Variants in PRKCA observed in about 807,000 individuals in gnomAD.
The protein encoded by PRKCA is protein kinase C alpha.
PRKCA carries 27 observed loss-of-function variants against 87.0 expected under a neutral mutation model. That is an observed-to-expected ratio of 0.31 (90% CI 0.23 to 0.43). The LOEUF (loss-of-function observed/expected upper bound fraction) is 0.43, where lower values mean the gene tolerates loss of function less well. Among genes scored for constraint, PRKCA ranks in the 20% least tolerant of loss-of-function variants. The pLI is 1.00. For synonymous variants in PRKCA, 329 were observed against 311.1 expected (o/e 1.06, Z -0.61); for missense variants, 518 against 852.3 (o/e 0.61, Z 4.88).
rs566509072 is a variant in PRKCA at position 66,606,992 on chromosome 17, G to A, written c.289-34363G>A. On this transcript the variant is annotated intron_variant, in intron 3 of 16. Coordinates refer to ENST00000413366, the MANE Select transcript of PRKCA (RefSeq NM_002737.3). Reference sequence around the variant, plus strand: ...AAGGAAATAATTAAAATGACCCAGCGATGGAGTTGTGGTGGAGTTCTGGGA... The same window carrying A: ...AAGGAAATAATTAAAATGACCCAGCAATGGAGTTGTGGTGGAGTTCTGGGA... 3.3e-3 allele frequency among the ~76,000 whole-genome samples: 498 copies of A among 152,284 alleles called. 1 individual carries two copies. The highest frequency in any genetic ancestry group is 0.011 in the African/African-American group (473 of 41,572).
chr17:66,439,422 T>C (rs529373642), intron 2 of PRKCA, among the ~76,000 whole-genome samples: 2 of 152,148 alleles, frequency 1.3e-5, no homozygotes, highest in Non-Finnish European at 2.9e-5. Context: ...CCTTGTGATC[T>C]GCCTGCCTTG....
intron 3 of PRKCA, among the ~76,000 whole-genome samples, chr17:66,550,471 T>C (rs1968291320): frequency 1.3e-5 from 2 of 152,092 alleles, no homozygotes; most frequent in Admixed American, 1.3e-4. Context: ...GCCAACATAG[T>C]GAAACCATGT....
intron 2 of PRKCA, among the ~76,000 whole-genome samples, chr17:66,372,628 T>C (rs978294881): frequency 6.6e-6 from 1 of 152,246 alleles, no homozygotes; most frequent in Non-Finnish European, 1.5e-5. Context: ...CACATAACTA[T>C]GTAAGTATAT....
At chr17:66,572,830 T>A (rs1372674562) in intron 3 of PRKCA, among the ~76,000 whole-genome samples, 1 of 152,162 alleles carries the variant, frequency 6.6e-6, no homozygotes, top group Non-Finnish European at 1.5e-5. Context: ...ATGTTATATA[T>A]TTTTAAAACT....
intron 13 of PRKCA, among the ~76,000 whole-genome samples, chr17:66,769,060 T>C (rs187087661): frequency 2.0e-5 from 3 of 152,330 alleles, no homozygotes; most frequent in Admixed American, 2.0e-4. Context: ...AAATCAGCTC[T>C]TGATCTTTTA....
Position 66,406,585 on chromosome 17 carries a change from G to GTTTTTTTTTTTTTTTTTTTTTTTTTTT in PRKCA, c.206-89592_206-89591insTTTTTTTTTTTTTTTTTTTTTTTTTTT, listed in dbSNP as rs71160568. Among the ~76,000 whole-genome samples the GTTTTTTTTTTTTTTTTTTTTTTTTTTT allele has an allele frequency of 2.3e-4, 16 of 70,184 alleles. 3 individuals are homozygous for GTTTTTTTTTTTTTTTTTTTTTTTTTTT. The highest frequency in any genetic ancestry group is 2.7e-4 in the Non-Finnish European group (10 of 36,598). 46.0% of individuals were successfully genotyped at this position (70,184 alleles called of 152,430 possible). A position where few individuals can be genotyped will look rare whatever the true frequency, so the allele number is the denominator to read the frequency against. ...TCATGTAGCATTGTAGCTTTTCCAG[G>GTTTTTTTTTTTTTTTTTTTTTTTTTTT]TTTTTTTTTTTTTTTTTTTTTTTTA... On this transcript the variant is annotated intron_variant, in intron 2 of 16. Transcript: ENST00000413366.
At chr17:66,386,998 G>A (rs1663991347) in intron 2 of PRKCA, among the ~76,000 whole-genome samples, 1 of 152,150 alleles carries the variant, frequency 6.6e-6, no homozygotes, top group African/African-American at 2.4e-5. Context: ...TTGTGTTTGA[G>A]TTTCTCTCTT....
chr17:66,447,936 AC>A (rs1914118882), intron 2 of PRKCA, among the ~76,000 whole-genome samples: 1 of 151,796 alleles, frequency 6.6e-6, no homozygotes, highest in Admixed American at 6.6e-5. Flanking sequence ...TCGTGTGTGG[AC>A]CCTTTTTGTC....
intron 3 of PRKCA, among the ~76,000 whole-genome samples, chr17:66,522,601 T>A (rs1229101344): frequency 6.6e-6 from 1 of 152,066 alleles, no homozygotes; most frequent in African/African-American, 2.4e-5. Flanking sequence ...TACTGGGGGT[T>A]CATGCTGAAC....
At chr17:66,586,639 T>C (rs1044587395) in intron 3 of PRKCA, among the ~76,000 whole-genome samples, 2 of 152,202 alleles carry the variant, frequency 1.3e-5, no homozygotes, top group African/African-American at 4.8e-5. Context: ...TTATTGATGC[T>C]CAGTAACAGA....
intron 8 of PRKCA, among the ~76,000 whole-genome samples, chr17:66,718,014 C>A (rs978831670): frequency 6.6e-6 from 1 of 152,152 alleles, no homozygotes; most frequent in Non-Finnish European, 1.5e-5. Context: ...AGAAAAATGC[C>A]GTCAGAAGGA....
At chr17:66,690,915 A>C (rs1972766218) in intron 8 of PRKCA, among the ~76,000 whole-genome samples, 1 of 151,674 alleles carries the variant, frequency 6.6e-6, no homozygotes, top group Non-Finnish European at 1.5e-5. Flanking sequence ...AGGCCAAGGC[A>C]GGCAGGTTGC....
intron 2 of PRKCA, among the ~76,000 whole-genome samples, chr17:66,362,921 T>TGGCCTCAGGGGATCCACC (rs1908481905): frequency 6.6e-6 from 1 of 152,188 alleles, no homozygotes; most frequent in Admixed American, 6.5e-5. Flanking sequence ...CTCAAACTCC[T>TGGCCTCAGGGGATCCACC]GGCCTCAGGG....
chr17:66,448,153 T>C (rs1013192796), intron 2 of PRKCA, among the ~76,000 whole-genome samples: 27 of 152,304 alleles, frequency 1.8e-4, no homozygotes, highest in African/African-American at 5.8e-4. Context: ...TTCTGTGCCC[T>C]TTTTCCGCTA....
intron 8 of PRKCA, among the ~76,000 whole-genome samples, chr17:66,725,019 G>C (rs75063190): frequency 0.012 from 1,762 of 152,318 alleles, 35 homozygotes; most frequent in African/African-American, 0.039. Context: ...AGACTTCTCA[G>C]CAGAGGAATA....
At chr17:66,616,468 T>C (rs906054615) in intron 3 of PRKCA, among the ~76,000 whole-genome samples, 2 of 152,214 alleles carry the variant, frequency 1.3e-5, no homozygotes, top group Non-Finnish European at 2.9e-5. Context: ...TATTTATTGA[T>C]TCCATTCATG....
intron 3 of PRKCA, among the ~76,000 whole-genome samples, chr17:66,582,451 C>T (rs1483597478): frequency 6.6e-6 from 1 of 152,170 alleles, no homozygotes; most frequent in Non-Finnish European, 1.5e-5. Flanking sequence ...TCCCCCCATG[C>T]TGTTCTCATG....
intron 2 of PRKCA, among the ~76,000 whole-genome samples, chr17:66,491,790 G>A (rs1427393585): frequency 1.3e-5 from 2 of 152,204 alleles, no homozygotes; most frequent in Non-Finnish European, 2.9e-5. Context: ...TACAAAATAT[G>A]CATTACCCAA....
intron 3 of PRKCA, among the ~76,000 whole-genome samples, chr17:66,583,235 T>G (rs1249869003): frequency 6.6e-6 from 1 of 152,202 alleles, no homozygotes; most frequent in African/African-American, 2.4e-5. Flanking sequence ...AGTTACATAT[T>G]AAGTGACAGA....
Sources: allele counts gnomAD v4.1 joint callset (sites outside exome capture counted in the v4.1 genomes callset), GRCh38; gene constraint gnomAD v4.1.1; transcripts MANE v1.5; gene names NCBI Gene and HGNC (gene_info 2026-07-23, HGNC 2026-07-21).